Variants in DLGAP2 observed in about 807,000 individuals in gnomAD.
The protein encoded by DLGAP2 is disks large-associated protein 2.
A neutral mutation model predicts 100.3 loss-of-function variants in DLGAP2; 26 were observed. The ratio of observed to expected loss-of-function variants is 0.26; its 90% CI spans 0.19 to 0.36. The LOEUF (loss-of-function observed/expected upper bound fraction) is 0.36. Ranked by LOEUF, DLGAP2 falls within the 10% of genes least tolerant of loss-of-function variation. The pLI is 1.00. For synonymous variants in DLGAP2, 886 were observed against 630.1 expected (o/e 1.41, Z -6.08); for missense variants, 1,858 against 1,453.2 (o/e 1.28, Z -4.53).
At position 871,282 on chromosome 8, in the gene DLGAP2, CTAT is replaced by C. The variant is rs1202534522; in HGVS notation, c.19-36629_19-36627del. Among the ~76,000 whole-genome samples, 3 of 152,226 alleles carry C rather than the reference CTAT, an allele frequency of 2.0e-5. No homozygotes were observed. The East Asian group carries it at 5.8e-4, about 29-fold the overall frequency. ...TCCACACCTGAATTAATTGGCTGCA[CTAT>C]CTTCTGTCCAAACTGTTAGTTGAGT... On this transcript the variant is annotated intron_variant, in intron 1 of 14. Coordinates refer to ENST00000637795, the MANE Select transcript of DLGAP2 (RefSeq NM_001346810.2).
intron 2 of DLGAP2, among the ~76,000 whole-genome samples, chr8:1,149,580 C>G (rs183542167): frequency 6.6e-6 from 1 of 152,158 alleles, no homozygotes; most frequent in Non-Finnish European, 1.5e-5. Flanking sequence ...TTCACACTTA[C>G]TATATTCTAA....
intron 2 of DLGAP2, among the ~76,000 whole-genome samples, chr8:1,153,769 T>C (rs759888020): frequency 3.3e-5 from 5 of 152,216 alleles, no homozygotes; most frequent in Non-Finnish European, 5.9e-5. Context: ...CAGTCATAAC[T>C]GTTAGGAAAC....
At chr8:1,043,259 G>A (rs1802419813) in intron 2 of DLGAP2, among the ~76,000 whole-genome samples, 2 of 119,294 alleles carry the variant, frequency 1.7e-5, no homozygotes, top group African/African-American at 6.3e-5. Flanking sequence ...GTGGGTGTGG[G>A]TGGTGGATGT....
chr8:1,537,658 G>C (rs565654500), intron 4 of DLGAP2, among the ~76,000 whole-genome samples: 1 of 152,036 alleles, frequency 6.6e-6, no homozygotes, highest in South Asian at 2.1e-4. Context: ...CCTGGAACTC[G>C]TGATGCCTGT....
At chr8:1,681,594 G>A (rs887739191) in intron 12 of DLGAP2, among the ~76,000 whole-genome samples, 24 of 149,978 alleles carry the variant, frequency 1.6e-4, no homozygotes, top group African/African-American at 5.9e-4. Context: ...AGAGGTGGAG[G>A]CTGCAGTGAG....
At chr8:1,022,127 C>T (rs2129024822) in intron 2 of DLGAP2, among the ~76,000 whole-genome samples, 1 of 152,264 alleles carries the variant, frequency 6.6e-6, no homozygotes, top group South Asian at 2.1e-4. Flanking sequence ...GTCTGAGGGC[C>T]ATGTCCGAGC....
At chr8:1,540,499 T>A (rs949740865) in intron 4 of DLGAP2, among the ~76,000 whole-genome samples, 2 of 151,918 alleles carry the variant, frequency 1.3e-5, no homozygotes, top group South Asian at 2.1e-4. Flanking sequence ...ATCTAAAACC[T>A]CTCCAATTCT....
At chr8:1,477,734 G>T (rs1294210072) in intron 3 of DLGAP2, among the ~76,000 whole-genome samples, 2 of 151,798 alleles carry the variant, frequency 1.3e-5, no homozygotes, top group Admixed American at 1.3e-4. Context: ...ATTATTATCG[G>T]TTCATAGACT....
At chr8:984,190 G>T (rs981252302) in intron 2 of DLGAP2, among the ~76,000 whole-genome samples, 2 of 152,106 alleles carry the variant, frequency 1.3e-5, no homozygotes, top group South Asian at 2.1e-4. Flanking sequence ...AAACGTCCTG[G>T]ATTCTAGCCC....
Position 1,698,781 on chromosome 8 carries a change from G to A in DLGAP2, c.2949+1482G>A, listed in dbSNP as rs528218866. Among the ~76,000 whole-genome samples the A allele has an allele frequency of 2.0e-5, 3 of 150,840 alleles. No individual in the cohort carries two copies. The East Asian group carries it at 5.9e-4, about 30-fold the overall frequency. On this transcript the variant is annotated intron_variant, in intron 14 of 14. Coordinates refer to ENST00000637795, the MANE Select transcript of DLGAP2 (RefSeq NM_001346810.2). ...GTCCAAGTAAGCCATGTTTGGGACA[G>A]GTCTGTGTAAGCCATGCATGGGACT...
chr8:1,638,117 G>A (rs1357237784), intron 8 of DLGAP2, among the ~76,000 whole-genome samples: 1 of 152,180 alleles, frequency 6.6e-6, no homozygotes, highest in African/African-American at 2.4e-5. Flanking sequence ...TGTAGTACTT[G>A]CACCTGCAGA....
intron 4 of DLGAP2, among the ~76,000 whole-genome samples, chr8:1,545,218 T>G (rs1366243198): frequency 6.6e-6 from 1 of 152,208 alleles, no homozygotes; most frequent in Non-Finnish European, 1.5e-5. Flanking sequence ...TTAATTCTTT[T>G]TTAAATATTG....
At chr8:1,095,439 G>A (rs986762369) in intron 2 of DLGAP2, among the ~76,000 whole-genome samples, 2 of 152,172 alleles carry the variant, frequency 1.3e-5, no homozygotes, top group African/African-American at 2.4e-5. Flanking sequence ...GGCTGCTTCC[G>A]GTTACACTTG....
chr8:1,193,331 C>G (rs917205014), intron 2 of DLGAP2, among the ~76,000 whole-genome samples: 3 of 152,202 alleles, frequency 2.0e-5, no homozygotes, highest in African/African-American at 4.8e-5. Flanking sequence ...CTCTCCAGCA[C>G]CTGTTGTTTC....
intron 3 of DLGAP2, among the ~76,000 whole-genome samples, chr8:1,357,754 T>G (rs1232034898): frequency 6.6e-6 from 1 of 152,198 alleles, no homozygotes; most frequent in Non-Finnish European, 1.5e-5. Flanking sequence ...AGCGCTGTGT[T>G]CTGCTGTGGT....
intron 1 of DLGAP2, among the ~76,000 whole-genome samples, chr8:830,058 G>T (rs1413542158): frequency 6.6e-6 from 1 of 152,190 alleles, no homozygotes; most frequent in Non-Finnish European, 1.5e-5. Flanking sequence ...GATTTTTAAA[G>T]ATCTTCATTG....
At chr8:779,764 C>T (rs1023406432) in intron 1 of DLGAP2, among the ~76,000 whole-genome samples, 1 of 152,136 alleles carries the variant, frequency 6.6e-6, no homozygotes, top group Non-Finnish European at 1.5e-5. Context: ...TGTAGCAGGG[C>T]CACATTTCTC....
chr8:1,470,496 C>T (rs1158747519), intron 3 of DLGAP2, among the ~76,000 whole-genome samples: 1 of 152,124 alleles, frequency 6.6e-6, no homozygotes, highest in Non-Finnish European at 1.5e-5. Flanking sequence ...TGAATACTTT[C>T]ACAGAATCGT....
chr8:911,628 T>C (rs1343989969), intron 2 of DLGAP2, among the ~76,000 whole-genome samples: 1 of 151,760 alleles, frequency 6.6e-6, no homozygotes, highest in Non-Finnish European at 1.5e-5. Context: ...AGGATGCATG[T>C]ATAATGTATG....
Sources: allele counts gnomAD v4.1 joint callset (sites outside exome capture counted in the v4.1 genomes callset), GRCh38; gene constraint gnomAD v4.1.1; transcripts MANE v1.5; gene names NCBI Gene and HGNC (gene_info 2026-07-23, HGNC 2026-07-21).